The following STK3 variants were observed in gnomAD, a reference collection of about 807,000 sequenced individuals.
STK3 encodes the protein serine/threonine kinase 3, also known as serine/threonine-protein kinase 3.
STK3 carries 41 observed loss-of-function variants against 58.0 expected under a neutral mutation model. That is an observed-to-expected ratio of 0.71 (90% CI 0.55 to 0.92). The LOEUF (loss-of-function observed/expected upper bound fraction) is 0.92. Ranked by LOEUF, STK3 falls within the 40% of genes least tolerant of loss-of-function variation. The probability of loss-of-function intolerance (pLI) is 0.00; values close to 1 mark genes in which losing one functional copy is unlikely to be tolerated. For synonymous variants in STK3, 170 were observed against 191.0 expected (o/e 0.89, Z 0.91); for missense variants, 479 against 602.7 (o/e 0.79, Z 2.15).
intron 1 of STK3, among the ~76,000 whole-genome samples, chr8:98,815,483 A>G (rs977468682): frequency 6.6e-5 from 10 of 152,214 alleles, no homozygotes; most frequent in Non-Finnish European, 1.3e-4. Context: ...CTAGGACAAG[A>G]AGTATACAAG....
the STK3 span, among the ~76,000 whole-genome samples, chr8:98,347,386 G>A: frequency 6.6e-6 from 1 of 151,604 alleles, no homozygotes; most frequent in Non-Finnish European, 1.5e-5. Flanking sequence ...GTGATGGCGG[G>A]CGCCTGTAGT....
intron 7 of STK3, among the ~76,000 whole-genome samples, chr8:98,585,939 T>C (rs1239413444): frequency 1.3e-5 from 2 of 152,096 alleles, no homozygotes; most frequent in Non-Finnish European, 1.5e-5. Context: ...TTTTTGCACA[T>C]TGATTTTGTA....
At chr8:98,484,452 C>T (rs1021401197) in intron 10 of STK3, among the ~76,000 whole-genome samples, 3 of 152,106 alleles carry the variant, frequency 2.0e-5, no homozygotes, top group Admixed American at 2.0e-4. Context: ...GAACCCCCAG[C>T]TACCAAACTC....
chr8:98,426,519 C>A (rs1055920393), intron 3 of STK3, among the ~76,000 whole-genome samples: 2 of 152,096 alleles, frequency 1.3e-5, no homozygotes, highest in African/African-American at 4.8e-5. Context: ...TCCCGCCCCC[C>A]GCGTACTAAG....
chr8:98,819,426 A>G (rs368828675), intron 1 of STK3, among the ~76,000 whole-genome samples: 6 of 151,966 alleles, frequency 3.9e-5, no homozygotes, highest in South Asian at 4.1e-4. Context: ...TTATTGTCGC[A>G]CTCCCTCTCT....
chr8:98,839,340 G>A (rs899448517), intron 3 of STK3, among the ~76,000 whole-genome samples: 3 of 152,110 alleles, frequency 2.0e-5, no homozygotes, highest in Admixed American at 2.0e-4. Context: ...GAACCACCAT[G>A]CCCAGACTAA....
upstream of STK3, among the ~76,000 whole-genome samples, chr8:98,825,970 C>T (rs532828267): frequency 0.032 from 4,703 of 148,568 alleles, 113 homozygotes; most frequent in South Asian, 0.059. Flanking sequence ...CCTGGGTTGG[C>T]GGGCGGGGCC....
At chr8:98,366,626 C>T (rs1464336321), downstream of STK3, among the ~76,000 whole-genome samples, 2 of 152,220 alleles carry the variant, frequency 1.3e-5, no homozygotes, top group Admixed American at 6.5e-5. Flanking sequence ...TATAACGCCT[C>T]CTTTATCATA....
intron 3 of STK3, among the ~76,000 whole-genome samples, chr8:98,761,658 C>T (rs769047274): frequency 3.3e-5 from 5 of 152,136 alleles, no homozygotes; most frequent in African/African-American, 7.2e-5. Context: ...TGTGGATATT[C>T]TATTAAAACT....
chr8:98,367,344 T>A (rs1422881350), downstream of STK3, among the ~76,000 whole-genome samples: 1 of 152,172 alleles, frequency 6.6e-6, no homozygotes, highest in East Asian at 1.9e-4. Flanking sequence ...AGTGAGTCAG[T>A]GGGGGTGAGT....
chr8:98,595,685 T>C lies in STK3; in HGVS notation c.822+347A>G, dbSNP rs190193496. 1,047 of 170,424 alleles carry C rather than the reference T, an allele frequency of 6.1e-3. 7 individuals are homozygous for C. Among genetic ancestry groups the C allele is most frequent in the African/African-American group, 0.023 (979 of 42,180 alleles). The allele number at this position is 170,424 out of a possible 1,614,324, so 10.6% of individuals were successfully genotyped here. A position where few individuals can be genotyped will look rare whatever the true frequency, so the allele number is the denominator to read the frequency against. ...CTGATATTTACAACGTGATAATCTC[T>C]TCAAGGAGTCCAGGGATCTTGTACT... On this transcript the variant is annotated intron_variant, in intron 7 of 10. Transcript: ENST00000419617.
intron 6 of STK3, among the ~76,000 whole-genome samples, chr8:98,663,954 A>C (rs1229850741): frequency 2.6e-5 from 4 of 152,222 alleles, no homozygotes; most frequent in Non-Finnish European, 5.9e-5. Context: ...ATTGTTGAGA[A>C]GACTAGAATT....
intron 9 of STK3, among the ~76,000 whole-genome samples, chr8:98,539,387 A>T (rs1477093520): frequency 6.6e-6 from 1 of 152,152 alleles, no homozygotes; most frequent in Non-Finnish European, 1.5e-5. Context: ...ATTGCCTCAT[A>T]CTTCACGATT....
intron 1 of STK3, chr8:98,904,564 G>A (rs1838813872): frequency 1.9e-6 from 1 of 536,530 alleles, no homozygotes. Context: ...CGCAGCCCGA[G>A]GGTTCAGTCA....
intron 6 of STK3, among the ~76,000 whole-genome samples, chr8:98,661,546 T>C (rs1043083497): frequency 6.6e-6 from 1 of 152,024 alleles, no homozygotes; most frequent in African/African-American, 2.4e-5. Context: ...ACTGATGCCA[T>C]TAGTGACATA....
intron 1 of STK3, among the ~76,000 whole-genome samples, chr8:98,916,408 C>G (rs1384568576): frequency 1.3e-5 from 2 of 152,068 alleles, no homozygotes; most frequent in Non-Finnish European, 2.9e-5. Context: ...AGCAAGACAC[C>G]ACCTCAAAAC....
At chr8:98,844,475 G>T (rs1836119321) in intron 3 of STK3, among the ~76,000 whole-genome samples, 1 of 151,520 alleles carries the variant, frequency 6.6e-6, no homozygotes, top group Non-Finnish European at 1.5e-5. Context: ...GTGTGTTTTT[G>T]TTTTTTTTGA....
chr8:98,578,246 A>AG (rs1230680318), intron 8 of STK3, among the ~76,000 whole-genome samples: 1 of 152,218 alleles, frequency 6.6e-6, no homozygotes, highest in Non-Finnish European at 1.5e-5. Flanking sequence ...GCAAGAACCA[A>AG]GGGTCTTTAC....
At chr8:98,491,175 GAGAGAGAGAGAGAGAGAGAGAGAGAC>G (rs1472537528) in intron 10 of STK3, among the ~76,000 whole-genome samples, 1 of 149,826 alleles carries the variant, frequency 6.7e-6, no homozygotes, top group Non-Finnish European at 1.5e-5. Flanking sequence ...GAGAGAGAGA[GAGAGAGAGAGAGAGAGAGAGAGAGAC>G]AGAGAGAGAG....
Sources: allele counts gnomAD v4.1 joint callset (sites outside exome capture counted in the v4.1 genomes callset), GRCh38; gene constraint gnomAD v4.1.1; transcripts MANE v1.5; gene names NCBI Gene and HGNC (gene_info 2026-07-23, HGNC 2026-07-21).